The following GNAL variants were observed in gnomAD, a reference collection of about 807,000 sequenced individuals.
The protein encoded by GNAL is G protein subunit alpha L.
In GNAL, 18 loss-of-function variants were observed where a neutral mutation model predicts 55.1. The observed-to-expected ratio is 0.33, with a 90% CI of 0.23 to 0.48. GNAL has a LOEUF of 0.48. Among genes scored for constraint, GNAL ranks in the 20% least tolerant of loss-of-function variants. The probability of loss-of-function intolerance (pLI) is 0.99; values close to 1 mark genes in which losing one functional copy is unlikely to be tolerated. For synonymous variants in GNAL, 253 were observed against 237.0 expected (o/e 1.07, Z -0.62); for missense variants, 412 against 614.1 (o/e 0.67, Z 3.48).
At chr18:11,874,331 C>T (rs1210270698) in intron 10 of GNAL, 1 of 151,968 alleles carries the variant, frequency 6.6e-6, no homozygotes, top group Non-Finnish European at 1.5e-5. Flanking sequence ...AAGGAACTAA[C>T]AGTTGGTCCA....
intron 1 of GNAL, among the ~76,000 whole-genome samples, chr18:11,744,614 T>A (rs2032648572): frequency 6.6e-6 from 1 of 152,228 alleles, no homozygotes; most frequent in African/African-American, 2.4e-5. Flanking sequence ...TGGCCACAAC[T>A]CCAGCACCAC....
At chr18:11,779,657 G>A (rs867961814) in intron 4 of GNAL, among the ~76,000 whole-genome samples, 13 of 152,138 alleles carry the variant, frequency 8.5e-5, no homozygotes, top group Non-Finnish European at 1.3e-4. Context: ...ATGGAAAGAT[G>A]GGAGTTATTG....
rs368954074 is a variant in GNAL, at chr18:11,752,845, G to C, written c.377-8G>C. ...ACAGATCACAGCGTTCTTTCTGTTT[G>C]TTTGCAGGGGCTGGTGAGTCTGGGA... is the stretch of plus-strand genomic sequence containing the variant. On this transcript the variant is annotated splice_polypyrimidine_tract_variant and splice_region_variant and intron_variant, in intron 1 of 11. Coordinates refer to ENST00000334049, the MANE Select transcript of GNAL (RefSeq NM_182978.4). The surrounding 1 kb of genome is among the most constrained non-coding windows in gnomAD (Gnocchi z 4.5). 1.3e-5 allele frequency: 20 copies of C among 1,596,754 alleles called. No homozygotes were observed. Among genetic ancestry groups the C allele is most frequent in the Non-Finnish European group, 1.7e-5 (20 of 1,164,486 alleles).
At chr18:11,690,001 G>GCCCCC in intron 1 of GNAL, 62 bp downstream of exon 1, 1 of 1,005,906 alleles carries the variant, frequency 9.9e-7, no homozygotes, top group Non-Finnish European at 1.3e-6. Context: ...CCGCGGGGGC[G>GCCCCC]GCGGGCACCG....
chr18:11,813,810 C>T (rs1214253170), intron 4 of GNAL, among the ~76,000 whole-genome samples: 2 of 151,992 alleles, frequency 1.3e-5, no homozygotes, highest in Non-Finnish European at 2.9e-5. Context: ...CCCAGGAGGT[C>T]GAGGCTGCAG....
At chr18:11,851,933 C>A in intron 5 of GNAL, 1 of 1,613,948 alleles carries the variant, frequency 6.2e-7, no homozygotes, top group Non-Finnish European at 8.5e-7. Context: ...AGCACGACGA[C>A]GCTCACCACT....
chr18:11,791,772 A>C (rs1209163422), intron 4 of GNAL, among the ~76,000 whole-genome samples: 1 of 152,174 alleles, frequency 6.6e-6, no homozygotes, highest in African/African-American at 2.4e-5. Context: ...CAAGGACTCG[A>C]AGTAGGACAC....
At position 11,786,585 on chromosome 18, in the gene GNAL, A is replaced by T. The variant is rs186641019; in HGVS notation, c.624+32640A>T. Among the ~76,000 whole-genome samples, 250 of 147,898 alleles carry T rather than the reference A, an allele frequency of 1.7e-3. 1 individual carries two copies. The highest frequency in any genetic ancestry group is 5.9e-3 in the African/African-American group (236 of 40,072). On this transcript the variant is annotated intron_variant, in intron 4 of 11. Transcript: ENST00000334049. ...TGCCACAGCCTCCCAAGTAGCTGGG[A>T]CTGCAGGCACCCACCACCACACCTG...
At chr18:11,861,139 A>G (rs999437124) in intron 5 of GNAL, among the ~76,000 whole-genome samples, 1 of 152,164 alleles carries the variant, frequency 6.6e-6, no homozygotes, top group Non-Finnish European at 1.5e-5. Context: ...GCCAACTGGC[A>G]TGGCAGGCAG....
chr18:11,749,125 C>CAAA (rs368135476), intron 1 of GNAL, among the ~76,000 whole-genome samples: 59 of 86,570 alleles, frequency 6.8e-4, no homozygotes, highest in Non-Finnish European at 1.1e-3. Flanking sequence ...GACTCCATCT[C>CAAA]AAAAAAAAAA....
At position 11,752,358 on chromosome 18, in the gene GNAL, G is replaced by A; in HGVS notation, c.377-495G>A. The A allele has an allele frequency of 6.6e-7, 1 of 1,513,650 alleles. No individual in the cohort carries two copies. Among genetic ancestry groups the A allele is most frequent in the South Asian group, 1.3e-5 (1 of 76,986 alleles). 93.8% of individuals were successfully genotyped at this position (1,513,650 alleles called of 1,614,324 possible). ...AGGAAAGAGAGGAGCCGTCGCAGGA[G>A]CCGCACACGTCTCCAACTCTCTATT... On this transcript the variant is annotated intron_variant, in intron 1 of 11. Coordinates refer to ENST00000334049, the MANE Select transcript of GNAL (RefSeq NM_182978.4). The surrounding 1 kb of genome is among the most constrained non-coding windows in gnomAD (Gnocchi z 4.5).
intron 1 of GNAL, among the ~76,000 whole-genome samples, chr18:11,743,571 A>T (rs760760097): frequency 3.3e-5 from 5 of 152,168 alleles, no homozygotes; most frequent in Admixed American, 6.5e-5. Context: ...TGCTTGAAAA[A>T]TTTTTACATT....
intron 6 of GNAL, among the ~76,000 whole-genome samples, chr18:11,864,258 G>T (rs548855108): frequency 7.2e-5 from 11 of 151,888 alleles, no homozygotes; most frequent in South Asian, 2.1e-4. Flanking sequence ...GGCTAATTTG[G>T]TTTTTTTGTA....
intron 5 of GNAL, chr18:11,853,680 T>C (rs886632235): frequency 6.0e-6 from 1 of 167,040 alleles, no homozygotes; most frequent in Admixed American, 6.5e-5. Context: ...ATTTAAGTTA[T>C]TTTATATTTG....
chr18:11,867,297 T>C, intron 8 of GNAL, 71 bp downstream of exon 8: 1 of 920,976 alleles, frequency 1.1e-6, no homozygotes, highest in Non-Finnish European at 1.8e-6. Context: ...GCTTAACTAT[T>C]CTTGAATTAG....
intron 4 of GNAL, among the ~76,000 whole-genome samples, chr18:11,821,532 A>G (rs1364489422): frequency 1.3e-5 from 2 of 152,226 alleles, no homozygotes; most frequent in Non-Finnish European, 2.9e-5. Context: ...ACTATTTTAA[A>G]TAGGGATTAT....
At chr18:11,839,459 C>T (rs1411415049) in intron 5 of GNAL, among the ~76,000 whole-genome samples, 1 of 138,390 alleles carries the variant, frequency 7.2e-6, no homozygotes, top group Non-Finnish European at 1.5e-5. Flanking sequence ...ATGGTGAAAG[C>T]GGGAGGATTG....
At chr18:11,784,201 C>T (rs2033996013) in intron 4 of GNAL, among the ~76,000 whole-genome samples, 1 of 152,270 alleles carries the variant, frequency 6.6e-6, no homozygotes, top group Non-Finnish European at 1.5e-5. Context: ...CTGACAAGAG[C>T]CTGTTGCTCT....
intron 1 of GNAL, 44 bp downstream of exon 1, chr18:11,689,983 C>A: frequency 8.7e-7 from 1 of 1,149,294 alleles, no homozygotes; most frequent in Non-Finnish European, 1.1e-6. Flanking sequence ...GGGGACAGCG[C>A]GCCGGGCCCG....
Sources: gnomAD v4.1 joint callset for allele counts (sites outside exome capture counted in the v4.1 genomes callset) on GRCh38, gnomAD v4.1.1 for gene constraint, Gnocchi (gnomAD v3.1) non-coding constraint, MANE v1.5 for transcripts, NCBI Gene and HGNC (gene_info 2026-07-23, HGNC 2026-07-21) for gene names.